The following GRID2 variants were observed in gnomAD, a reference collection of about 807,000 sequenced individuals.
GRID2 encodes glutamate receptor ionotropic, delta-2.
Under a neutral mutation model 114.8 loss-of-function variants are expected in GRID2, and 33 were observed. That is an observed-to-expected ratio of 0.29 (90% CI 0.22 to 0.38). GRID2 has a LOEUF of 0.38. GRID2 is among the 10% of genes least tolerant of loss of function. GRID2 has a pLI of 1.00. For missense variants in GRID2, 1,184 were observed against 1,257.7 expected (o/e 0.94, Z 0.89); for synonymous variants, 505 against 449.9 (o/e 1.12, Z -1.55).
intron 2 of GRID2, among the ~76,000 whole-genome samples, chr4:92,962,654 G>C (rs1008101067): frequency 3.3e-5 from 5 of 151,894 alleles, no homozygotes; most frequent in Non-Finnish European, 5.9e-5. Flanking sequence ...TCCCCTGCTG[G>C]AAGCATGAAG....
At chr4:93,745,318 A>G (rs1374466538) in intron 14 of GRID2, among the ~76,000 whole-genome samples, 2 of 152,218 alleles carry the variant, frequency 1.3e-5, no homozygotes, top group African/African-American at 4.8e-5. Context: ...CAGACTTAGA[A>G]AAAAAGAGAG....
chr4:93,785,871 G>A (rs1252282145), intron 1 of GRID2, among the ~76,000 whole-genome samples: 1 of 152,158 alleles, frequency 6.6e-6, no homozygotes. Flanking sequence ...ACTAGAGAGA[G>A]CTGTAGTGGG....
chr4:92,566,010 T>C (rs1263181629), intron 1 of GRID2, among the ~76,000 whole-genome samples: 3 of 151,958 alleles, frequency 2.0e-5, no homozygotes, highest in Non-Finnish European at 2.9e-5. Flanking sequence ...ACAATCCCTA[T>C]GTGTAAGCTA....
At chr4:93,544,608 T>A (rs1034943212) in intron 13 of GRID2, among the ~76,000 whole-genome samples, 1 of 151,394 alleles carries the variant, frequency 6.6e-6, no homozygotes, top group Non-Finnish European at 1.5e-5. Context: ...AGAAACCCCG[T>A]CTCTACTAAA....
intron 2 of GRID2, among the ~76,000 whole-genome samples, chr4:92,910,225 A>C (rs970919678): frequency 6.6e-6 from 1 of 152,128 alleles, no homozygotes; most frequent in African/African-American, 2.4e-5. Flanking sequence ...TAAAAAAAAA[A>C]AGTAAATGCT....
chr4:93,589,017 T>A (rs1040271982), intron 13 of GRID2, among the ~76,000 whole-genome samples: 1 of 150,492 alleles, frequency 6.6e-6, no homozygotes, highest in Admixed American at 6.7e-5. Flanking sequence ...CGTTCATGAT[T>A]CTGCACTCCC....
chr4:93,607,537 C>A (rs1218052184), intron 13 of GRID2, among the ~76,000 whole-genome samples: 1 of 152,006 alleles, frequency 6.6e-6, no homozygotes, highest in African/African-American at 2.4e-5. Flanking sequence ...ATTTTTATTT[C>A]TCTTGGATAG....
At chr4:93,495,349 A>G (rs1194745013) in intron 12 of GRID2, among the ~76,000 whole-genome samples, 4 of 151,830 alleles carry the variant, frequency 2.6e-5, no homozygotes, top group African/African-American at 9.7e-5. Flanking sequence ...CTACATTTTG[A>G]AAAGAAAATA....
At chr4:92,924,214 A>G (rs983234686) in intron 2 of GRID2, among the ~76,000 whole-genome samples, 28 of 152,234 alleles carry the variant, frequency 1.8e-4, no homozygotes, top group Non-Finnish European at 3.5e-4. Flanking sequence ...ACACATGGAC[A>G]CAGGAAGGGG....
At chr4:93,618,696 A>G (rs1741935112) in intron 13 of GRID2, among the ~76,000 whole-genome samples, 1 of 152,198 alleles carries the variant, frequency 6.6e-6, no homozygotes, top group Non-Finnish European at 1.5e-5. Flanking sequence ...ATCTCTGTGA[A>G]CCAAGCTTTC....
At chr4:92,480,448 A>T (rs1722528553) in intron 1 of GRID2, among the ~76,000 whole-genome samples, 1 of 152,142 alleles carries the variant, frequency 6.6e-6, no homozygotes. Context: ...GAACTCCAGG[A>T]AAATTATGAA....
chr4:93,496,311 C>A (rs1727541659), intron 12 of GRID2, among the ~76,000 whole-genome samples: 1 of 151,706 alleles, frequency 6.6e-6, no homozygotes, highest in African/African-American at 2.4e-5. Flanking sequence ...TAGTACAGAG[C>A]AGTGTCATGT....
In GRID2 at chr4:92,980,019, G is replaced by C. The variant is rs541055103; in HGVS notation, c.245-104976G>C. On this transcript the variant is annotated intron_variant, in intron 2 of 15. Transcript: ENST00000282020. Reference sequence around the variant, plus strand: ...CTAGCAGGAGTCTTTTTATTTGCTGGGTTGTGATTTTTTCCAGGTTATATG... The same window carrying C: ...CTAGCAGGAGTCTTTTTATTTGCTGCGTTGTGATTTTTTCCAGGTTATATG... 9.9e-5 allele frequency among the ~76,000 whole-genome samples: 15 copies of C among 152,094 alleles called. No homozygotes were observed. In the South Asian group the frequency reaches 2.9e-3, roughly 29 times the overall value.
rs10605313 is a variant in GRID2, at chr4:93,145,644, C to CTTTTT, written c.735+34718_735+34722dup. Among the ~76,000 whole-genome samples the CTTTTT allele has an allele frequency of 8.3e-4, 38 of 45,710 alleles. 3 individuals carry two copies. The highest frequency in any genetic ancestry group is 1.0e-3 in the Non-Finnish European group (28 of 28,052). 30.0% of individuals were successfully genotyped at this position (45,710 alleles called of 152,430 possible). A position where few individuals can be genotyped will look rare whatever the true frequency, so the allele number is the denominator to read the frequency against. ...CAGCTAGTTTTGTATTTCTTTTTTC[C>CTTTTT]TTTTTTTTTTTTTTTTTTTTTTTTT... On this transcript the variant is annotated intron_variant, in intron 4 of 15. Coordinates refer to ENST00000282020, the MANE Select transcript of GRID2 (RefSeq NM_001510.4).
intron 2 of GRID2, among the ~76,000 whole-genome samples, chr4:92,816,182 G>T (rs1453663754): frequency 6.6e-6 from 1 of 150,854 alleles, no homozygotes; most frequent in Admixed American, 6.6e-5. Flanking sequence ...GGGTGTGGTG[G>T]CACATGCGTG....
At chr4:92,459,675 T>C (rs995156857) in intron 1 of GRID2, among the ~76,000 whole-genome samples, 18 of 152,118 alleles carry the variant, frequency 1.2e-4, no homozygotes, top group Admixed American at 3.9e-4. Flanking sequence ...AATTGAAATA[T>C]GTATTTACTT....
At chr4:93,159,008 T>A in intron 4 of GRID2, among the ~76,000 whole-genome samples, 1 of 151,754 alleles carries the variant, frequency 6.6e-6, no homozygotes, top group East Asian at 1.9e-4. Context: ...CCTTATGGAA[T>A]TGTACTATAT....
intron 8 of GRID2, among the ~76,000 whole-genome samples, chr4:93,360,697 T>C (rs1761806651): frequency 6.6e-6 from 1 of 151,952 alleles, no homozygotes; most frequent in African/African-American, 2.4e-5. Flanking sequence ...TTCATCAATA[T>C]TTAAGAGCAT....
At chr4:93,499,604 A>G (rs958861428) in intron 12 of GRID2, among the ~76,000 whole-genome samples, 1 of 151,580 alleles carries the variant, frequency 6.6e-6, no homozygotes, top group Non-Finnish European at 1.5e-5. Flanking sequence ...GGTATCTTCC[A>G]TTTTCCCAGG....
Sources: allele counts gnomAD v4.1 joint callset (sites outside exome capture counted in the v4.1 genomes callset), GRCh38; gene constraint gnomAD v4.1.1; transcripts MANE v1.5; gene names NCBI Gene and HGNC (gene_info 2026-07-23, HGNC 2026-07-21).